TTC27: variants seen among roughly 807,000 people sequenced by gnomAD.
TTC27 encodes the protein tetratricopeptide repeat protein 27.
In TTC27, 79 loss-of-function variants were observed where a neutral mutation model predicts 115.9. That is an observed-to-expected ratio of 0.68 (90% CI 0.57 to 0.82). The LOEUF is 0.82. Among genes scored for constraint, TTC27 ranks in the 40% least tolerant of loss-of-function variants. The pLI is 0.00. For synonymous variants in TTC27, 401 were observed against 356.0 expected, an observed-to-expected ratio of 1.13 and a Z score of -1.42; for missense variants, 1,054 against 993.1, an observed-to-expected ratio of 1.06 and a Z score of -0.82.
At chr2:32,678,764 AT>A in intron 8 of TTC27, 91 bp from the exon 9 acceptor site, 2 of 884,006 alleles carry the variant, frequency 2.3e-6, no homozygotes, top group Non-Finnish European at 3.5e-6. Flanking sequence ...AATATATAAA[AT>A]ATAGCAGTTT....
intron 10 of TTC27, among the ~76,000 whole-genome samples, chr2:32,717,892 C>T (rs1667804630): frequency 1.3e-5 from 2 of 152,060 alleles, no homozygotes; most frequent in Admixed American, 6.5e-5. Context: ...GCCTGGTTTC[C>T]GATCCCAGCG....
At position 32,791,653 on chromosome 2, in the gene TTC27, C is replaced by T. The variant is rs551138781; in HGVS notation, c.1998+4504C>T. On this transcript the variant is annotated intron_variant, in intron 16 of 19. Coordinates refer to ENST00000317907, the MANE Select transcript of TTC27 (RefSeq NM_017735.5). ...AAGATTTATGTCAAAAGCACATTTT[C>T]CCATCATATTAATGTGCTTGTGAAC... 6.6e-5 allele frequency among the ~76,000 whole-genome samples: 10 copies of T among 152,176 alleles called. No homozygotes were observed. The South Asian group carries it at 1.7e-3, about 25-fold the overall frequency.
At chr2:32,755,260 A>G (rs1250099131) in intron 12 of TTC27, among the ~76,000 whole-genome samples, 23 of 152,042 alleles carry the variant, frequency 1.5e-4, no homozygotes, top group Non-Finnish European at 5.9e-5. Context: ...GTAGCGAGCC[A>G]AGATCACGCC....
At chr2:32,769,501 A>G (rs1035400019) in intron 13 of TTC27, among the ~76,000 whole-genome samples, 10 of 152,190 alleles carry the variant, frequency 6.6e-5, no homozygotes, top group Admixed American at 3.9e-4. Context: ...GGGGCAGAAA[A>G]GTCAGGTAAA....
intron 12 of TTC27, among the ~76,000 whole-genome samples, chr2:32,747,619 T>A (rs1052058441): frequency 6.6e-6 from 1 of 152,216 alleles, no homozygotes; most frequent in Non-Finnish European, 1.5e-5. Flanking sequence ...GAACTGTTTA[T>A]ATTTATTTTG....
chr2:32,645,323 C>T (rs1664813513), intron 4 of TTC27, among the ~76,000 whole-genome samples: 1 of 152,054 alleles, frequency 6.6e-6, no homozygotes, highest in Admixed American at 6.6e-5. Context: ...ATATCAGTTT[C>T]CATTTATAAA....
intron 9 of TTC27, among the ~76,000 whole-genome samples, chr2:32,701,662 A>T (rs910204170): frequency 6.6e-6 from 1 of 152,202 alleles, no homozygotes; most frequent in Non-Finnish European, 1.5e-5. Context: ...CATAGGCTGA[A>T]GGACTTCTTG....
intron 4 of TTC27, 98 bp from the exon 5 acceptor site, chr2:32,650,033 A>G: frequency 1.0e-6 from 1 of 986,332 alleles, no homozygotes; most frequent in Non-Finnish European, 1.5e-6. Context: ...AATAAATTTA[A>G]TTTTATGAAT....
intron 9 of TTC27, among the ~76,000 whole-genome samples, chr2:32,694,430 C>A (rs1440691120): frequency 1.3e-5 from 2 of 152,004 alleles, no homozygotes; most frequent in Non-Finnish European, 2.9e-5. Context: ...AGTAGCCAGG[C>A]CTAGTGGCTC....
intron 13 of TTC27, among the ~76,000 whole-genome samples, chr2:32,772,988 G>A (rs1359897480): frequency 6.6e-6 from 1 of 152,096 alleles, no homozygotes; most frequent in African/African-American, 2.4e-5. Flanking sequence ...AATCCCAGTC[G>A]TCTTTCTCCT....
At chr2:32,637,947 G>A (rs989994668) in intron 3 of TTC27, among the ~76,000 whole-genome samples, 1 of 152,182 alleles carries the variant, frequency 6.6e-6, no homozygotes, top group African/African-American at 2.4e-5. Flanking sequence ...TGTAGTGCCA[G>A]TCAGAAGGCT....
chr2:32,655,988 A>G (rs1665300896), intron 5 of TTC27, among the ~76,000 whole-genome samples: 1 of 152,230 alleles, frequency 6.6e-6, no homozygotes, highest in African/African-American at 2.4e-5. Context: ...AACGGCTACC[A>G]TCTGGACAAG....
intron 16 of TTC27, among the ~76,000 whole-genome samples, chr2:32,790,279 T>TTG (rs770346359): frequency 6.6e-6 from 1 of 151,292 alleles, no homozygotes; most frequent in Admixed American, 6.6e-5. Flanking sequence ...AATTTTTTTT[T>TTG]TGTGTGTGTG....
intron 12 of TTC27, among the ~76,000 whole-genome samples, chr2:32,756,256 G>A (rs1669229145): frequency 1.3e-5 from 2 of 152,236 alleles, no homozygotes; most frequent in South Asian, 4.1e-4. Context: ...GTATCGGGCT[G>A]TCAAGAGAAA....
chr2:32,649,658 C>T (rs1665010349), intron 4 of TTC27, among the ~76,000 whole-genome samples: 1 of 151,792 alleles, frequency 6.6e-6, no homozygotes, highest in Admixed American at 6.6e-5. Flanking sequence ...AATTCTCCTG[C>T]CTCAAGTCTC....
At position 32,692,036 on chromosome 2, in the gene TTC27, G is replaced by GTTT. The variant is rs779547700; in HGVS notation, c.1120-10747_1120-10745dup. Among the ~76,000 whole-genome samples, 111 of 61,204 alleles carry GTTT rather than the reference G, an allele frequency of 1.8e-3. 14 individuals are homozygous for GTTT. Among genetic ancestry groups the GTTT allele is most frequent in the East Asian group, 3.0e-3 (5 of 1,652 alleles). 40.2% of individuals were successfully genotyped at this position (61,204 alleles called of 152,430 possible). On this transcript the variant is annotated intron_variant, in intron 9 of 19. Transcript: ENST00000317907. Reference sequence around the variant, plus strand: ...GGGATATTCTTTTTTAATTTTTTAGGTTTTTTTTTTTTTTTTTTTTTTTTT... The same window carrying GTTT: ...GGGATATTCTTTTTTAATTTTTTAGGTTTTTTTTTTTTTTTTTTTTTTTTTTTT...
At position 32,738,970 on chromosome 2, in the gene TTC27, G is replaced by T. The variant is rs150044866; in HGVS notation, c.1452+2154G>T. Among the ~76,000 whole-genome samples, 467 of 152,258 alleles carry T rather than the reference G, an allele frequency of 3.1e-3. 6 individuals carry two copies. The highest frequency in any genetic ancestry group is 0.01 in the African/African-American group (435 of 41,570). The stretch of plus-strand genomic sequence containing the variant: ...TCTGAATAGACTGAAAAAAATCAAA[G>T]CAAACAAGAGGCATTAGATTATAAT... On this transcript the variant is annotated intron_variant, in intron 12 of 19. Transcript: ENST00000317907.
intron 18 of TTC27, among the ~76,000 whole-genome samples, chr2:32,815,620 T>C (rs1466609229): frequency 1.3e-5 from 2 of 152,056 alleles, no homozygotes; most frequent in African/African-American, 2.4e-5. Flanking sequence ...ACTAATAGAG[T>C]ATATCTGTCT....
At chr2:32,658,484 T>C (rs1264577708) in intron 5 of TTC27, among the ~76,000 whole-genome samples, 2 of 152,214 alleles carry the variant, frequency 1.3e-5, no homozygotes, top group Non-Finnish European at 2.9e-5. Context: ...GAGAATTAAA[T>C]AACGCAACAT....
Sources: gnomAD v4.1 joint callset for allele counts (sites outside exome capture counted in the v4.1 genomes callset) on GRCh38, gnomAD v4.1.1 for gene constraint, MANE v1.5 for transcripts, NCBI Gene and HGNC (gene_info 2026-07-23, HGNC 2026-07-21) for gene names.